TCF21: variants seen among roughly 807,000 people sequenced by gnomAD.
The protein encoded by TCF21 is transcription factor 21, also known as capsulin.
Under a neutral mutation model 13.5 loss-of-function variants are expected in TCF21, and 3 were observed. The ratio of observed to expected loss-of-function variants is 0.22; its 90% CI spans 0.10 to 0.57. The LOEUF (loss-of-function observed/expected upper bound fraction) is 0.57. TCF21 is among the 20% of genes least tolerant of loss of function. TCF21 has a pLI of 0.92. For synonymous variants in TCF21, 92 were observed against 101.7 expected (o/e 0.90, Z 0.57); for missense variants, 181 against 238.4 (o/e 0.76, Z 1.59).
chr6:133,891,160 G>C (rs1466830051), intron 1 of TCF21, among the ~76,000 whole-genome samples: 2 of 152,172 alleles, frequency 1.3e-5, no homozygotes, highest in African/African-American at 4.8e-5. Context: ...GATTAATCTA[G>C]AAGCTGTAGT....
At position 133,889,933 on chromosome 6, in the gene TCF21, TG is replaced by T. The variant is rs1775181670; in HGVS notation, c.450+91del. On this transcript the variant is annotated intron_variant, in intron 1 of 1. Transcript: ENST00000367882. The surrounding 1 kb of genome is among the most constrained non-coding windows in gnomAD (Gnocchi z 5.1). ...GCGCGAGTGCGCGCGGGGCTGGGAG[TG>T]GGGGTGTGGGCGCGGCGGTGACTTA... is the stretch of plus-strand genomic sequence containing the variant. The T allele has an allele frequency of 1.4e-6, 2 of 1,459,654 alleles. No individual in the cohort carries two copies. Among genetic ancestry groups the T allele is most frequent in the Non-Finnish European group, 1.9e-6 (2 of 1,046,742 alleles). 90.4% of individuals were successfully genotyped at this position (1,459,654 alleles called of 1,614,324 possible).
At chr6:133,890,183 C>T (rs1775187374) in intron 1 of TCF21, among the ~76,000 whole-genome samples, 1 of 152,338 alleles carries the variant, frequency 6.6e-6, no homozygotes, top group African/African-American at 2.4e-5. Context: ...GTGGCTGCTG[C>T]GGAACTGAGA....
chr6:133,891,927 C>A lies in TCF21; in HGVS notation c.*125C>A. 1 of 934,880 alleles carries A rather than the reference C, an allele frequency of 1.1e-6. No homozygotes were observed. Among genetic ancestry groups the A allele is most frequent in the Non-Finnish European group, 1.6e-6 (1 of 619,946 alleles). The allele number at this position is 934,880 out of a possible 1,614,324, so 57.9% of individuals were successfully genotyped here. A position where few individuals can be genotyped will look rare whatever the true frequency, so the allele number is the denominator to read the frequency against. On this transcript the variant is annotated 3_prime_UTR_variant, in exon 2 of 2. Coordinates refer to ENST00000367882, the MANE Select transcript of TCF21 (RefSeq NM_003206.4). The stretch of plus-strand genomic sequence containing the variant: ...GCAATGCTCCTCTCTCTGTCCCACC[C>A]CGCGAGAACACTTTACAACGACGAG...
intron 1 of TCF21, among the ~76,000 whole-genome samples, chr6:133,890,554 T>C (rs1411416576): frequency 1.3e-5 from 2 of 152,234 alleles, no homozygotes; most frequent in East Asian, 3.8e-4. Context: ...TCTTAAAAAG[T>C]AATGCCCATT....
At chr6:133,894,615 C>T (rs547184302), downstream of TCF21, 1 of 153,098 alleles carries the variant, frequency 6.5e-6, no homozygotes, top group Admixed American at 6.5e-5. Context: ...ATCATCAGCA[C>T]ACCCACACCC....
At chr6:133,895,483 A>C (rs1012873260), downstream of TCF21, 3 of 152,250 alleles carry the variant, frequency 2.0e-5, no homozygotes, top group African/African-American at 7.2e-5. Context: ...CTTAAATGCC[A>C]TTCAGTCTGG....
At chr6:133,890,199 G>C (rs994293383) in intron 1 of TCF21, among the ~76,000 whole-genome samples, 6 of 152,228 alleles carry the variant, frequency 3.9e-5, no homozygotes, top group African/African-American at 1.4e-4. Context: ...TGAGAACACT[G>C]ACAAGACGCT....
intron 1 of TCF21, among the ~76,000 whole-genome samples, chr6:133,891,252 C>T (rs953454071): frequency 1.3e-5 from 2 of 152,132 alleles, no homozygotes; most frequent in Admixed American, 6.5e-5. Flanking sequence ...AGCGACAGGG[C>T]CCTGAAACCC....
Position 133,889,379 on chromosome 6 carries a change from C to CG in TCF21, c.-19_-18insG. Reference sequence around the variant, plus strand: ...TCTCTGTCTCTCTCTCTCTCTCTCCCTCGTCCACTCCCCCAAACATGTCCA... The same window carrying CG: ...TCTCTGTCTCTCTCTCTCTCTCTCCCGTCGTCCACTCCCCCAAACATGTCCA... On this transcript the variant is annotated 5_prime_UTR_variant, in exon 1 of 2. Transcript: ENST00000367882. This position sits in a 1 kb window ranked among gnomAD's most constrained non-coding sequence, Gnocchi z 5.1. 6.2e-7 allele frequency: 1 copy of CG among 1,613,174 alleles called. No homozygotes were observed. The highest frequency in any genetic ancestry group is 1.3e-5 in the African/African-American group (1 of 75,052).
chr6:133,892,985 G>A (rs1194234744), downstream of TCF21: 1 of 152,150 alleles, frequency 6.6e-6, no homozygotes, highest in Non-Finnish European at 1.5e-5. Flanking sequence ...CGCAGCCCGC[G>A]GCGGCCGATG....
In TCF21 at chr6:133,889,911, C is replaced by T; in HGVS notation, c.450+64C>T. On this transcript the variant is annotated intron_variant, in intron 1 of 1. Transcript: ENST00000367882. This position sits in a 1 kb window ranked among gnomAD's most constrained non-coding sequence, Gnocchi z 5.1. ...CCCGCACTCCCGCCTGCGGTGGGCG[C>T]GAGTGCGCGCGGGGCTGGGAGTGGG... is the stretch of plus-strand genomic sequence containing the variant. 2 of 1,576,926 alleles carry T rather than the reference C, an allele frequency of 1.3e-6. No homozygotes were observed. Among genetic ancestry groups the T allele is most frequent in the East Asian group, 2.2e-5 (1 of 44,650 alleles).
chr6:133,889,265 A>T lies in TCF21; in HGVS notation c.-133A>T. Reference sequence around the variant, plus strand: ...CAACCAGACCCCAACTCCAGCTCCCAGCAGGAGGTGGCTGCGCCACACTCG... The same window carrying T: ...CAACCAGACCCCAACTCCAGCTCCCTGCAGGAGGTGGCTGCGCCACACTCG... On this transcript the variant is annotated 5_prime_UTR_variant, in exon 1 of 2. Transcript: ENST00000367882. The surrounding 1 kb of genome is among the most constrained non-coding windows in gnomAD (Gnocchi z 5.1). 8.5e-7 allele frequency: 1 copy of T among 1,180,310 alleles called. No homozygotes were observed. The highest frequency in any genetic ancestry group is 1.2e-6 in the Non-Finnish European group (1 of 804,954). The allele number at this position is 1,180,310 out of a possible 1,614,324, so 73.1% of individuals were successfully genotyped here.
downstream of TCF21, chr6:133,893,387 C>G (rs12190287): frequency 0.31 from 47,205 of 152,186 alleles, 8,820 homozygotes; most frequent in South Asian, 0.5. Context: ...ACTTCGGTGA[C>G]TTCATCCACC....
downstream of TCF21, chr6:133,894,955 T>C (rs935986966): frequency 6.6e-6 from 1 of 151,916 alleles, no homozygotes; most frequent in African/African-American, 2.4e-5. Flanking sequence ...AGTCTGCAAG[T>C]TCTCAGAAGC....
Position 133,889,336 on chromosome 6 carries a change from T to C in TCF21, c.-62T>C. The C allele has an allele frequency of 6.3e-7, 1 of 1,598,154 alleles. No homozygotes were observed. Among genetic ancestry groups the C allele is most frequent in the Non-Finnish European group, 8.5e-7 (1 of 1,172,084 alleles). On this transcript the variant is annotated 5_prime_UTR_variant, in exon 1 of 2. Coordinates refer to ENST00000367882, the MANE Select transcript of TCF21 (RefSeq NM_003206.4). The surrounding 1 kb of genome is among the most constrained non-coding windows in gnomAD (Gnocchi z 5.1). ...GTCTCTCTGTCTCTCTCTCACCCTC[T>C]TCCTCGCTTTCTCTGTCTCTCTGTC...
chr6:133,889,925 G>C lies in TCF21; in HGVS notation c.450+78G>C. 6.6e-7 allele frequency: 1 copy of C among 1,525,182 alleles called. No homozygotes were observed. The highest frequency in any genetic ancestry group is 9.1e-7 in the Non-Finnish European group (1 of 1,103,826). The allele number at this position is 1,525,182 out of a possible 1,614,324, so 94.5% of individuals were successfully genotyped here. On this transcript the variant is annotated intron_variant, in intron 1 of 1. Transcript: ENST00000367882. This position sits in a 1 kb window ranked among gnomAD's most constrained non-coding sequence, Gnocchi z 5.1. ...TGCGGTGGGCGCGAGTGCGCGCGGG[G>C]CTGGGAGTGGGGGTGTGGGCGCGGC...
At chr6:133,894,059 C>G (rs1479948498), downstream of TCF21, 1 of 152,190 alleles carries the variant, frequency 6.6e-6, no homozygotes, top group African/African-American at 2.4e-5. Context: ...AAAGGAAAAG[C>G]TCCGTGAAAA....
In TCF21 at chr6:133,889,301, TG is replaced by T. The variant is rs1258082005; in HGVS notation, c.-95del. 7 of 1,518,062 alleles carry T rather than the reference TG, an allele frequency of 4.6e-6. No individual in the cohort carries two copies. The highest frequency in any genetic ancestry group is 1.7e-5 in the Admixed American group (1 of 59,754). 94.0% of individuals were successfully genotyped at this position (1,518,062 alleles called of 1,614,324 possible). A position where few individuals can be genotyped will look rare whatever the true frequency, so the allele number is the denominator to read the frequency against. On this transcript the variant is annotated 5_prime_UTR_variant, in exon 1 of 2. Coordinates refer to ENST00000367882, the MANE Select transcript of TCF21 (RefSeq NM_003206.4). The surrounding 1 kb of genome is among the most constrained non-coding windows in gnomAD (Gnocchi z 5.1). ...GCTGCGCCACACTCGGGAGGCCTCT[TG>T]GTTTCAGGGTCTCTCTGTCTCTCTC... is the stretch of plus-strand genomic sequence containing the variant.
chr6:133,893,129 T>C (rs913523835), downstream of TCF21: 5 of 152,252 alleles, frequency 3.3e-5, no homozygotes, highest in African/African-American at 7.2e-5. Flanking sequence ...TTCTTTTCGA[T>C]TTTTTACCCT....
Sources: allele counts gnomAD v4.1 joint callset (sites outside exome capture counted in the v4.1 genomes callset), GRCh38; gene constraint gnomAD v4.1.1; non-coding constraint Gnocchi (gnomAD v3.1); transcripts MANE v1.5; gene names NCBI Gene and HGNC (gene_info 2026-07-23, HGNC 2026-07-21).